The following GRIK2 variants were observed in gnomAD, a reference collection of about 807,000 sequenced individuals.
GRIK2 encodes glutamate ionotropic receptor kainate type subunit 2.
In GRIK2, 32 loss-of-function variants were observed where a neutral mutation model predicts 100.3. The ratio of observed to expected loss-of-function variants is 0.32; its 90% CI spans 0.24 to 0.43. The LOEUF is 0.43. Ranked by LOEUF, GRIK2 falls within the 20% of genes least tolerant of loss-of-function variation. The pLI, the probability that GRIK2 is intolerant of heterozygous loss-of-function variation, is 1.00. For missense variants in GRIK2, 843 were observed against 1,114.9 expected (o/e 0.76, Z 3.47); for synonymous variants, 417 against 389.4 (o/e 1.07, Z -0.83).
chr6:101,414,608 C>T (rs1776030491), intron 2 of GRIK2, among the ~76,000 whole-genome samples: 2 of 152,078 alleles, frequency 1.3e-5, no homozygotes, highest in South Asian at 4.1e-4. Context: ...TATGCTGTTT[C>T]CAGCTCTCTA....
rs563752300 is a variant in GRIK2 at position 101,901,840 on chromosome 6, A to G, written c.1748+11977A>G. On this transcript the variant is annotated intron_variant, in intron 12 of 16. Coordinates refer to ENST00000369134, the MANE Select transcript of GRIK2 (RefSeq NM_021956.5). ...ATATTACAAATCAGTAGAACTGATCATTGTTATCATTTCACTAAGCCTTTC... is the reference window on the plus strand; with the variant it reads ...ATATTACAAATCAGTAGAACTGATCGTTGTTATCATTTCACTAAGCCTTTC... Among the ~76,000 whole-genome samples, 90 of 152,120 alleles carry G rather than the reference A, an allele frequency of 5.9e-4. 1 individual carries two copies. Among genetic ancestry groups the G allele is most frequent in the African/African-American group, 2.1e-3 (86 of 41,556 alleles).
chr6:102,039,670 T>C (rs1474645943), intron 15 of GRIK2, among the ~76,000 whole-genome samples: 4 of 151,558 alleles, frequency 2.6e-5, no homozygotes, highest in African/African-American at 9.7e-5. Context: ...TCTTGGTTTC[T>C]CTTTTTCAAA....
At chr6:101,995,585 G>C (rs1794608220) in intron 14 of GRIK2, among the ~76,000 whole-genome samples, 1 of 151,890 alleles carries the variant, frequency 6.6e-6, no homozygotes, top group African/African-American at 2.4e-5. Flanking sequence ...TTTCAAAATA[G>C]ATCATTATTC....
At chr6:101,883,379 C>A (rs985093722) in intron 11 of GRIK2, among the ~76,000 whole-genome samples, 4 of 151,358 alleles carry the variant, frequency 2.6e-5, no homozygotes, top group African/African-American at 9.7e-5. Flanking sequence ...TAGTTTTATT[C>A]ATTCAAAAAA....
At position 102,010,988 on chromosome 6, in the gene GRIK2, T is replaced by C. The variant is rs1371445762; in HGVS notation, c.2086-24353T>C. 3.3e-5 allele frequency among the ~76,000 whole-genome samples: 5 copies of C among 152,294 alleles called. No homozygotes were observed. In the East Asian group the frequency reaches 9.7e-4, roughly 29 times the overall value. ...TCTTGGCAATTATGAATAAAGCTGC[T>C]GTAAACATTCATGAATAGGATTTTG... is the stretch of plus-strand genomic sequence containing the variant. On this transcript the variant is annotated intron_variant, in intron 14 of 16. Coordinates refer to ENST00000369134, the MANE Select transcript of GRIK2 (RefSeq NM_021956.5).
chr6:102,065,384 GTTC>G (rs1380734418), intron 16 of GRIK2, among the ~76,000 whole-genome samples: 1 of 151,142 alleles, frequency 6.6e-6, no homozygotes, highest in Admixed American at 6.6e-5. Context: ...GGTTTTAAAT[GTTC>G]TTATTTGTAG....
At chr6:101,940,518 C>T (rs978415515) in intron 14 of GRIK2, among the ~76,000 whole-genome samples, 1 of 152,176 alleles carries the variant, frequency 6.6e-6, no homozygotes, top group East Asian at 1.9e-4. Flanking sequence ...ATAGCTGTCA[C>T]GTCTACCTTT....
At chr6:101,833,525 CTTT>C (rs1782842547) in intron 10 of GRIK2, among the ~76,000 whole-genome samples, 1 of 152,028 alleles carries the variant, frequency 6.6e-6, no homozygotes, top group Non-Finnish European at 1.5e-5. Flanking sequence ...ACAGCATTTT[CTTT>C]TATTATTCTT....
intron 2 of GRIK2, among the ~76,000 whole-genome samples, chr6:101,405,903 G>A (rs1004787232): frequency 6.6e-6 from 1 of 152,172 alleles, no homozygotes; most frequent in African/African-American, 2.4e-5. Flanking sequence ...AATTTTAATT[G>A]TATACAATTT....
intron 11 of GRIK2, 32 bp downstream of exon 11, chr6:101,859,525 G>A: frequency 8.2e-7 from 1 of 1,222,152 alleles, no homozygotes; most frequent in Non-Finnish European, 1.2e-6. Context: ...TTATTAGTTT[G>A]TTATGTTGCT....
At chr6:101,931,636 A>G (rs1380684302) in intron 14 of GRIK2, among the ~76,000 whole-genome samples, 4 of 135,028 alleles carry the variant, frequency 3.0e-5, no homozygotes, top group Admixed American at 7.9e-5. Context: ...TGCTCAAAGC[A>G]TATTATCTTC....
intron 2 of GRIK2, among the ~76,000 whole-genome samples, chr6:101,446,257 A>G (rs912117179): frequency 1.3e-5 from 2 of 151,982 alleles, no homozygotes; most frequent in Non-Finnish European, 1.5e-5. Context: ...ATTGAATGAT[A>G]AATTTTGCAA....
chr6:101,886,118 C>T lies in GRIK2; in HGVS notation c.1525-3522C>T, dbSNP rs141159298. 3.2e-3 allele frequency among the ~76,000 whole-genome samples: 489 copies of T among 152,230 alleles called. 1 individual carries two copies. Among genetic ancestry groups the T allele is most frequent in the African/African-American group, 0.011 (476 of 41,556 alleles). On this transcript the variant is annotated intron_variant, in intron 11 of 16. Coordinates refer to ENST00000369134, the MANE Select transcript of GRIK2 (RefSeq NM_021956.5). ...GGCAACCACTGATCTTTTACTGTCT[C>T]TATAATTTTGCCTTTTCCTGGATGT... is the stretch of plus-strand genomic sequence containing the variant.
chr6:101,572,717 C>T (rs1355050824), intron 2 of GRIK2, among the ~76,000 whole-genome samples: 7 of 146,384 alleles, frequency 4.8e-5, no homozygotes, highest in African/African-American at 1.0e-4. Context: ...TATTTTCTAC[C>T]ATAGAAATTA....
At chr6:101,481,535 CAGTT>C (rs1772529257) in intron 2 of GRIK2, among the ~76,000 whole-genome samples, 3 of 152,112 alleles carry the variant, frequency 2.0e-5, no homozygotes, top group Admixed American at 6.5e-5. Context: ...ATTTCCTGTT[CAGTT>C]AAAGTTTGTA....
In GRIK2 at chr6:101,955,671, T is replaced by C. The variant is rs555119406; in HGVS notation, c.2085+27039T>C. 2.2e-4 allele frequency among the ~76,000 whole-genome samples: 34 copies of C among 151,476 alleles called. No homozygotes were observed. In the South Asian group the frequency reaches 7.1e-3, roughly 32 times the overall value. ...TAGTTTGTGTTTTTTAAGGAATTTA[T>C]CCATTTCATCTATATTGTCTAATTT... is the stretch of plus-strand genomic sequence containing the variant. On this transcript the variant is annotated intron_variant, in intron 14 of 16. Coordinates refer to ENST00000369134, the MANE Select transcript of GRIK2 (RefSeq NM_021956.5).
chr6:101,713,252 T>G (rs1317144692), intron 7 of GRIK2, among the ~76,000 whole-genome samples: 2 of 151,342 alleles, frequency 1.3e-5, no homozygotes, highest in Admixed American at 1.3e-4. Context: ...ATTACTGATT[T>G]GTATGCATGA....
intron 2 of GRIK2, among the ~76,000 whole-genome samples, chr6:101,576,458 CA>C (rs1254482011): frequency 6.6e-6 from 1 of 151,892 alleles, no homozygotes; most frequent in Non-Finnish European, 1.5e-5. Flanking sequence ...TTAATAAAAT[CA>C]ATATTCTTTT....
At chr6:102,032,019 G>C (rs1201465449) in intron 14 of GRIK2, among the ~76,000 whole-genome samples, 4 of 151,316 alleles carry the variant, frequency 2.6e-5, no homozygotes, top group Non-Finnish European at 5.9e-5. Context: ...TTTTAAGGGT[G>C]AAAGAGCTTT....
Sources: gnomAD v4.1 joint callset for allele counts (sites outside exome capture counted in the v4.1 genomes callset) on GRCh38, gnomAD v4.1.1 for gene constraint, MANE v1.5 for transcripts, NCBI Gene and HGNC (gene_info 2026-07-23, HGNC 2026-07-21) for gene names.